The following NBAS variants were observed in gnomAD, a reference collection of about 807,000 sequenced individuals.
The protein encoded by NBAS is NBAS subunit of NRZ tethering complex.
In NBAS, 219 loss-of-function variants were observed where a neutral mutation model predicts 302.5. That is an observed-to-expected ratio of 0.72 (90% CI 0.65 to 0.81). The LOEUF (loss-of-function observed/expected upper bound fraction) is 0.81. Among genes scored for constraint, NBAS ranks in the 30% least tolerant of loss-of-function variants. NBAS has a pLI of 0.00. For missense variants in NBAS, 2,932 were observed against 2,841.6 expected (o/e 1.03, Z -0.72); for synonymous variants, 1,118 against 1,021.6 (o/e 1.09, Z -1.80).
In NBAS at chr2:15,468,517, C is replaced by T. The variant is rs759251871; in HGVS notation, c.1742G>A (p.Arg581Gln). ...CAAACACTCATGGAGAACCCAGGAT[C>T]GCTTCTTTATTTTACTCTGCATATA... ...IQNYLSKIKK[R>Q]SWVLHECLER... The change falls in exon 17 of 52, where the codon CGA (arginine) becomes CAA (glutamine). Residue 581 changes from arginine to glutamine, a missense_variant. Physicochemically the swap from Arg to Gln is conservative, Grantham distance 43 (BLOSUM62 1). Coordinates refer to ENST00000281513, the MANE Select transcript of NBAS (RefSeq NM_015909.4). 3.7e-6 allele frequency: 6 copies of T among 1,613,864 alleles called. No individual in the cohort carries two copies. The highest frequency in any genetic ancestry group is 3.3e-5 in the South Asian group (3 of 91,070).
At chr2:14,828,920 T>C in the NBAS span, among the ~76,000 whole-genome samples, 383 of 152,308 alleles carry the variant, frequency 2.5e-3, 4 homozygotes, top group African/African-American at 8.8e-3. Flanking sequence ...TAACAAAACA[T>C]TAAGAGTGAA....
chr2:14,779,605 T>C, the NBAS span, among the ~76,000 whole-genome samples: 1 of 152,302 alleles, frequency 6.6e-6, no homozygotes. Flanking sequence ...CCAGACCAGA[T>C]GTTCACTCCT....
At chr2:14,782,320 A>T in the NBAS span, among the ~76,000 whole-genome samples, 1 of 152,196 alleles carries the variant, frequency 6.6e-6, no homozygotes, top group Non-Finnish European at 1.5e-5. Flanking sequence ...CACTTTTCAA[A>T]AGAGGACATA....
chr2:15,498,990 C>T (rs540281563), intron 11 of NBAS, among the ~76,000 whole-genome samples: 10 of 149,744 alleles, frequency 6.7e-5, no homozygotes, highest in Admixed American at 2.7e-4. Context: ...TGCAGTGGCG[C>T]GATTCTTGGC....
At chr2:15,051,522 G>GTCTCCACTT in the NBAS span, among the ~76,000 whole-genome samples, 3 of 152,088 alleles carry the variant, frequency 2.0e-5, no homozygotes, top group African/African-American at 7.2e-5. Flanking sequence ...AAGGGCCTCA[G>GTCTCCACTT]TCTCCACTTT....
chr2:15,172,270 A>C (rs1460501754), intron 51 of NBAS, among the ~76,000 whole-genome samples: 1 of 152,192 alleles, frequency 6.6e-6, no homozygotes, highest in Non-Finnish European at 1.5e-5. Context: ...TTTTTCCATA[A>C]ATTTCCTATC....
chr2:15,484,502 G>A (rs1367447090), intron 12 of NBAS, among the ~76,000 whole-genome samples: 1 of 152,014 alleles, frequency 6.6e-6, no homozygotes, highest in East Asian at 1.9e-4. Flanking sequence ...ACTGCTCAAG[G>A]TCATGGCCAA....
At chr2:14,872,297 G>C in the NBAS span, among the ~76,000 whole-genome samples, 2 of 152,118 alleles carry the variant, frequency 1.3e-5, no homozygotes, top group East Asian at 3.9e-4. Context: ...ACAATTGATA[G>C]AACAGACAAA....
chr2:15,212,303 G>A (rs371168053), intron 48 of NBAS, among the ~76,000 whole-genome samples: 9 of 152,254 alleles, frequency 5.9e-5, no homozygotes, highest in African/African-American at 1.7e-4. Flanking sequence ...ATCTGTTCAT[G>A]TTGCTTCTCG....
At chr2:15,455,631 C>T (rs9287659) in intron 21 of NBAS, among the ~76,000 whole-genome samples, 93,705 of 151,424 alleles carry the variant, frequency 0.62, 29,769 homozygotes, top group Non-Finnish European at 0.68. Flanking sequence ...CTGTCCTCAG[C>T]GGTTGATATA....
the NBAS span, among the ~76,000 whole-genome samples, chr2:15,117,246 ACT>A: frequency 1.3e-5 from 2 of 152,084 alleles, no homozygotes; most frequent in African/African-American, 2.4e-5. Flanking sequence ...GCTCAAAATA[ACT>A]CTGCACCCAA....
At chr2:14,810,540 C>T in the NBAS span, among the ~76,000 whole-genome samples, 1 of 152,166 alleles carries the variant, frequency 6.6e-6, no homozygotes, top group Admixed American at 6.5e-5. Flanking sequence ...CCAATTAAAT[C>T]TTTTTCTTTG....
At chr2:14,795,840 GA>G in the NBAS span, among the ~76,000 whole-genome samples, 1 of 152,180 alleles carries the variant, frequency 6.6e-6, no homozygotes, top group African/African-American at 2.4e-5. Flanking sequence ...AATATCTGCA[GA>G]TATTGCAAAC....
chr2:15,457,975 A>T (rs906371269), intron 21 of NBAS, among the ~76,000 whole-genome samples: 5 of 152,176 alleles, frequency 3.3e-5, no homozygotes, highest in African/African-American at 1.2e-4. Context: ...CATCTGCACT[A>T]CCTGCAGGAA....
chr2:14,903,063 GAA>G, the NBAS span, among the ~76,000 whole-genome samples: 1 of 145,434 alleles, frequency 6.9e-6, no homozygotes, highest in African/African-American at 2.5e-5. Flanking sequence ...TTTGATGAAT[GAA>G]AAAAAAAAAT....
At chr2:14,956,195 T>TGC in the NBAS span, among the ~76,000 whole-genome samples, 1 of 152,172 alleles carries the variant, frequency 6.6e-6, no homozygotes, top group African/African-American at 2.4e-5. Flanking sequence ...CATAACAAGT[T>TGC]TCTCATCTCC....
At chr2:15,301,697 C>T (rs1076509) in intron 40 of NBAS, among the ~76,000 whole-genome samples, 83,532 of 152,154 alleles carry the variant, frequency 0.55, 24,557 homozygotes, top group East Asian at 0.85. Flanking sequence ...AGAATACATG[C>T]GCTCTGACAG....
chr2:14,829,254 T>C, the NBAS span, among the ~76,000 whole-genome samples: 140 of 152,146 alleles, frequency 9.2e-4, no homozygotes, highest in East Asian at 0.024. Context: ...CATGACTGCT[T>C]TGAAAGAGTT....
chr2:15,137,974 G>A, the NBAS span, among the ~76,000 whole-genome samples: 11 of 152,082 alleles, frequency 7.2e-5, no homozygotes, highest in Non-Finnish European at 5.9e-5. Context: ...TCAAGAGCCC[G>A]AAATCAGTCT....
Sources: allele counts gnomAD v4.1 joint callset (sites outside exome capture counted in the v4.1 genomes callset), GRCh38; gene constraint gnomAD v4.1.1; transcripts MANE v1.5; gene names NCBI Gene and HGNC (gene_info 2026-07-23, HGNC 2026-07-21).